Variants in ADAMTS19 observed in about 807,000 individuals in gnomAD.
ADAMTS19 encodes A disintegrin and metalloproteinase with thrombospondin motifs 19.
ADAMTS19 carries 93 observed loss-of-function variants against 153.3 expected under a neutral mutation model. The observed-to-expected ratio is 0.61, with a 90% CI of 0.51 to 0.72. ADAMTS19 has a LOEUF of 0.72. ADAMTS19 is among the 30% of genes least tolerant of loss of function. The pLI, the probability that ADAMTS19 is intolerant of heterozygous loss-of-function variation, is 0.00. For missense variants in ADAMTS19, 1,482 were observed against 1,552.1 expected, an observed-to-expected ratio of 0.95 and a Z score of 0.76; for synonymous variants, 600 against 556.6, an observed-to-expected ratio of 1.08 and a Z score of -1.10.
chr5:129,460,979 A>G, intron 1 of ADAMTS19, 123 bp from the exon 2 acceptor site: 2 of 1,243,322 alleles, frequency 1.6e-6, no homozygotes, highest in Non-Finnish European at 2.0e-6. Context: ...CAGGGTCTAG[A>G]CGGGTGGTCT....
chr5:129,658,764 T>C, intron 15 of ADAMTS19, 27 bp downstream of exon 15: 1 of 1,587,216 alleles, frequency 6.3e-7, no homozygotes, highest in Non-Finnish European at 8.6e-7. Flanking sequence ...TTTTCATAAA[T>C]ATTAATCCCT....
At chr5:129,620,476 T>C (rs965840631) in intron 8 of ADAMTS19, 142 bp from the exon 9 acceptor site, 27 of 497,136 alleles carry the variant, frequency 5.4e-5, no homozygotes, top group Non-Finnish European at 8.3e-5. Context: ...AATCTAATTT[T>C]ATTTTGAAAC....
chr5:129,495,201 C>A (rs1004001881), intron 2 of ADAMTS19, among the ~76,000 whole-genome samples: 1 of 152,044 alleles, frequency 6.6e-6, no homozygotes, highest in Non-Finnish European at 1.5e-5. Flanking sequence ...TAAATTAAAA[C>A]ACTTTCCATT....
At chr5:129,658,767 T>G (rs372458454) in intron 15 of ADAMTS19, 30 bp downstream of exon 15, 2 of 1,584,314 alleles carry the variant, frequency 1.3e-6, no homozygotes, top group African/African-American at 2.7e-5. Flanking sequence ...TCATAAATAT[T>G]AATCCCTGCA....
intron 11 of ADAMTS19, among the ~76,000 whole-genome samples, chr5:129,647,537 A>G (rs1365161014): frequency 1.3e-5 from 2 of 152,142 alleles, no homozygotes; most frequent in Non-Finnish European, 2.9e-5. Context: ...GGCTATAGTA[A>G]CAAATATCTG....
intron 10 of ADAMTS19, among the ~76,000 whole-genome samples, chr5:129,630,242 G>C (rs1752228689): frequency 6.6e-6 from 1 of 151,922 alleles, no homozygotes; most frequent in South Asian, 2.1e-4. Flanking sequence ...ATATTATGAA[G>C]AACTATAGAA....
At chr5:129,727,013 T>C (rs1757237347) in intron 21 of ADAMTS19, among the ~76,000 whole-genome samples, 1 of 152,170 alleles carries the variant, frequency 6.6e-6, no homozygotes, top group Non-Finnish European at 1.5e-5. Flanking sequence ...ATTGGCTCAG[T>C]AAATATTTGT....
chr5:129,642,310 C>A (rs1047409514), intron 11 of ADAMTS19, among the ~76,000 whole-genome samples: 1 of 151,786 alleles, frequency 6.6e-6, no homozygotes, highest in Non-Finnish European at 1.5e-5. Flanking sequence ...TTTCTCATTG[C>A]CAATGGATCT....
At chr5:129,580,374 T>A (rs944386625) in intron 7 of ADAMTS19, among the ~76,000 whole-genome samples, 2 of 152,188 alleles carry the variant, frequency 1.3e-5, no homozygotes, top group African/African-American at 4.8e-5. Context: ...AATCATGTCA[T>A]CTGCAAACAG....
Position 129,461,364 on chromosome 5 carries a change from G to A in ADAMTS19, c.354G>A (p.Glu118=). ...RLRPPPPSEG[E]EDEELESQEL... ...GGCCCCCGCCGCCGTCGGAGGGTGA[G>A]GAGGACGAGGAGCTCGAGTCGCAGG... The change falls in exon 2 of 23, where the codon GAG becomes GAA. Residue 118 remains glutamate, a synonymous_variant. Coordinates refer to ENST00000274487, the MANE Select transcript of ADAMTS19 (RefSeq NM_133638.6). This position sits in a 1 kb window ranked among gnomAD's most constrained non-coding sequence, Gnocchi z 4.6. 1 of 1,341,826 alleles carries A rather than the reference G, an allele frequency of 7.5e-7. No homozygotes were observed. The highest frequency in any genetic ancestry group is 9.5e-7 in the Non-Finnish European group (1 of 1,056,824). 83.1% of individuals were successfully genotyped at this position (1,341,826 alleles called of 1,614,324 possible). A position where few individuals can be genotyped will look rare whatever the true frequency, so the allele number is the denominator to read the frequency against.
At chr5:129,671,894 A>G (rs1561640605) in intron 16 of ADAMTS19, among the ~76,000 whole-genome samples, 2 of 149,316 alleles carry the variant, frequency 1.3e-5, no homozygotes, top group African/African-American at 5.1e-5. Context: ...AGCACTATGG[A>G]CAACTTCTCA....
chr5:129,470,280 T>A (rs1412631058), intron 2 of ADAMTS19, among the ~76,000 whole-genome samples: 1 of 152,232 alleles, frequency 6.6e-6, no homozygotes, highest in Non-Finnish European at 1.5e-5. Flanking sequence ...ATTGAATGTT[T>A]CCACTTATTT....
chr5:129,657,283 A>G (rs1753587545), intron 14 of ADAMTS19, among the ~76,000 whole-genome samples: 1 of 152,156 alleles, frequency 6.6e-6, no homozygotes, highest in Non-Finnish European at 1.5e-5. Context: ...ATAATCTGCT[A>G]GCTTCCCCCA....
intron 21 of ADAMTS19, among the ~76,000 whole-genome samples, chr5:129,714,766 G>A (rs2127187829): frequency 6.6e-6 from 1 of 152,198 alleles, no homozygotes; most frequent in South Asian, 2.1e-4. Flanking sequence ...CTTTGACTCA[G>A]CAAAAATTTT....
intron 2 of ADAMTS19, among the ~76,000 whole-genome samples, chr5:129,487,714 C>G (rs946034339): frequency 6.6e-6 from 1 of 152,042 alleles, no homozygotes; most frequent in Non-Finnish European, 1.5e-5. Context: ...AGGGACTGAA[C>G]TCTAAATAGC....
chr5:129,680,508 C>A (rs577001593), intron 17 of ADAMTS19, among the ~76,000 whole-genome samples: 2 of 152,146 alleles, frequency 1.3e-5, no homozygotes, highest in South Asian at 4.1e-4. Context: ...CCTGTAATCC[C>A]AGCACTCTGG....
At chr5:129,603,379 A>G (rs1750754571) in intron 8 of ADAMTS19, among the ~76,000 whole-genome samples, 1 of 152,220 alleles carries the variant, frequency 6.6e-6, no homozygotes, top group East Asian at 1.9e-4. Flanking sequence ...TGCAAATAAT[A>G]AAAGTTGTTC....
At chr5:129,508,056 A>G (rs1403944944) in intron 2 of ADAMTS19, among the ~76,000 whole-genome samples, 1 of 152,020 alleles carries the variant, frequency 6.6e-6, no homozygotes, top group Non-Finnish European at 1.5e-5. Context: ...TTCACTTTAG[A>G]AAATAATTAT....
chr5:129,508,076 G>A (rs1244429028), intron 2 of ADAMTS19, among the ~76,000 whole-genome samples: 1 of 151,674 alleles, frequency 6.6e-6, no homozygotes, highest in East Asian at 1.9e-4. Context: ...TATTATTATT[G>A]TGCCACTTAT....
Sources: allele counts gnomAD v4.1 joint callset (sites outside exome capture counted in the v4.1 genomes callset), GRCh38; gene constraint gnomAD v4.1.1; non-coding constraint Gnocchi (gnomAD v3.1); transcripts MANE v1.5; gene names NCBI Gene and HGNC (gene_info 2026-07-23, HGNC 2026-07-21).